SYNJ2BP: variants seen among roughly 807,000 people sequenced by gnomAD.
SYNJ2BP encodes synaptojanin-2-binding protein.
SYNJ2BP carries 10 observed loss-of-function variants against 16.9 expected under a neutral mutation model. The ratio of observed to expected loss-of-function variants is 0.59; its 90% CI spans 0.36 to 1.00. The LOEUF (loss-of-function observed/expected upper bound fraction) is 1.00. Among genes scored for constraint, SYNJ2BP ranks in the 50% least tolerant of loss-of-function variants. The pLI is 0.01. For missense variants in SYNJ2BP, 162 were observed against 186.7 expected (o/e 0.87, Z 0.77); for synonymous variants, 54 against 68.4 (o/e 0.79, Z 1.04).
At chr14:70,384,328 G>A (rs1270297409) in intron 2 of SYNJ2BP, among the ~76,000 whole-genome samples, 1 of 152,106 alleles carries the variant, frequency 6.6e-6, no homozygotes, top group African/African-American at 2.4e-5. Context: ...CCTATGCGTG[G>A]AGCATAGGAA....
intron 2 of SYNJ2BP, among the ~76,000 whole-genome samples, chr14:70,382,787 T>TA (rs943848389): frequency 5.2e-4 from 79 of 152,350 alleles, no homozygotes; most frequent in African/African-American, 1.9e-3. Context: ...TGAGGAAACA[T>TA]ACTTTTTTTT....
rs770673593 is a variant in SYNJ2BP at position 70,400,126 on chromosome 14, C to T, written c.65-11520G>A. On this transcript the variant is annotated intron_variant, in intron 1 of 3. Transcript: ENST00000256366. Reference sequence around the variant, plus strand: ...AGATCACTCAGTCAACTCCTGTTCACAATCTCCAAAGTTATCAGAAACCTG... The same window carrying T: ...AGATCACTCAGTCAACTCCTGTTCATAATCTCCAAAGTTATCAGAAACCTG... Among the ~76,000 whole-genome samples the T allele has an allele frequency of 5.5e-4, 84 of 152,238 alleles. 1 individual carries two copies. Among genetic ancestry groups the T allele is most frequent in the Non-Finnish European group, 2.4e-4 (16 of 68,046 alleles).
chr14:70,389,168 C>G (rs187858318), intron 1 of SYNJ2BP, among the ~76,000 whole-genome samples: 59 of 152,126 alleles, frequency 3.9e-4, no homozygotes, highest in African/African-American at 1.4e-3. Context: ...TCAAAGGACC[C>G]AATTCCTGAC....
chr14:70,387,337 T>A (rs865895900), intron 2 of SYNJ2BP, among the ~76,000 whole-genome samples: 22 of 152,342 alleles, frequency 1.4e-4, no homozygotes, highest in Middle Eastern at 3.4e-3. Context: ...TGGCCCATGG[T>A]AAGGTAGAGA....
In SYNJ2BP at chr14:70,417,027, C is replaced by T. The variant is rs1656125706; in HGVS notation, c.-64G>A. On this transcript the variant is annotated 5_prime_UTR_variant, in exon 1 of 4. Transcript: ENST00000256366. ...GAGTGCAGCACAGGTGAAGGTGAAT[C>T]AATCTCGGCGCTGCGCCCACAGCAC... 2 of 1,612,166 alleles carry T rather than the reference C, an allele frequency of 1.2e-6. No individual in the cohort carries two copies. Among genetic ancestry groups the T allele is most frequent in the African/African-American group, 1.3e-5 (1 of 74,830 alleles).
intron 1 of SYNJ2BP, among the ~76,000 whole-genome samples, chr14:70,415,416 C>T (rs147171485): frequency 6.6e-6 from 1 of 151,348 alleles, no homozygotes; most frequent in East Asian, 1.9e-4. Context: ...CCGGGCGTGG[C>T]AGTGCACACC....
At chr14:70,382,502 G>A (rs1887774202) in intron 2 of SYNJ2BP, among the ~76,000 whole-genome samples, 1 of 152,198 alleles carries the variant, frequency 6.6e-6, no homozygotes, top group African/African-American at 2.4e-5. Flanking sequence ...TCATAATGCA[G>A]AGTTTGATTC....
At position 70,375,740 on chromosome 14, in the gene SYNJ2BP, T is replaced by C. The variant is rs1887616588; in HGVS notation, c.233A>G (p.His78Arg). The change falls in exon 3 of 4, where the codon CAC (histidine) becomes CGC (arginine). Residue 78 changes from histidine (H) to arginine (R), a missense_variant. His to Arg is a conservative substitution (Grantham distance 29). Coordinates refer to ENST00000256366, the MANE Select transcript of SYNJ2BP (RefSeq NM_018373.3). ...VNGQDLKNLL[H>R]QDAVDLFRNA... ...ACGAAAGAGGTCTACAGCATCCTGG[T>C]GCAGCAGGTTCTTTAGGTCTTGGCC... 6.2e-7 allele frequency: 1 copy of C among 1,614,010 alleles called. No individual in the cohort carries two copies.
intron 2 of SYNJ2BP, among the ~76,000 whole-genome samples, chr14:70,383,947 G>A (rs541428550): frequency 6.9e-6 from 1 of 145,216 alleles, no homozygotes; most frequent in South Asian, 2.2e-4. Context: ...CTTTTGATGA[G>A]AAAGAGGAAA....
intron 1 of SYNJ2BP, among the ~76,000 whole-genome samples, chr14:70,412,938 A>G (rs1888520631): frequency 6.6e-6 from 1 of 152,204 alleles, no homozygotes; most frequent in African/African-American, 2.4e-5. Flanking sequence ...CTGAGTTTTG[A>G]GACGCATTAA....
chr14:70,393,897 C>T (rs1365635427), intron 1 of SYNJ2BP, among the ~76,000 whole-genome samples: 1 of 149,216 alleles, frequency 6.7e-6, no homozygotes, highest in Non-Finnish European at 1.5e-5. Flanking sequence ...TGCAGGAAAC[C>T]ACCATGGCAC....
At chr14:70,387,023 G>A (rs758204607) in intron 2 of SYNJ2BP, among the ~76,000 whole-genome samples, 6 of 152,160 alleles carry the variant, frequency 3.9e-5, no homozygotes, top group African/African-American at 9.6e-5. Context: ...TCTCCTCTTC[G>A]GACCATGGGC....
intron 1 of SYNJ2BP, among the ~76,000 whole-genome samples, chr14:70,415,301 T>C (rs1248357189): frequency 6.6e-6 from 1 of 151,332 alleles, no homozygotes; most frequent in Non-Finnish European, 1.5e-5. Context: ...TCCCAGCACT[T>C]TGGGAGGCAG....
chr14:70,367,736 C>G lies in SYNJ2BP; in HGVS notation c.*5255G>C, dbSNP rs1384485758. 6.6e-6 allele frequency: 1 copy of G among 152,034 alleles called. No homozygotes were observed. 9.4% of individuals were successfully genotyped at this position (152,034 alleles called of 1,614,324 possible). A position where few individuals can be genotyped will look rare whatever the true frequency, so the allele number is the denominator to read the frequency against. On this transcript the variant is annotated 3_prime_UTR_variant, in exon 4 of 4. Transcript: ENST00000256366. ...AAAAGACTTACACCAAAATAGCAAC[C>G]AACTCTAAAACTATTACAGGTGAGA...
At chr14:70,386,649 T>A (rs1372453895) in intron 2 of SYNJ2BP, among the ~76,000 whole-genome samples, 1 of 152,186 alleles carries the variant, frequency 6.6e-6, no homozygotes, top group Non-Finnish European at 1.5e-5. Flanking sequence ...TCTCTCTCTC[T>A]TTTCCTTTGT....
chr14:70,394,840 A>G lies in SYNJ2BP; in HGVS notation c.65-6234T>C, dbSNP rs560024511. Among the ~76,000 whole-genome samples the G allele has an allele frequency of 5.3e-5, 8 of 152,332 alleles. No individual in the cohort carries two copies. In the East Asian group the frequency reaches 9.6e-4, roughly 18 times the overall value. On this transcript the variant is annotated intron_variant, in intron 1 of 3. Transcript: ENST00000256366. ...ATCTCATTTAATCTTCTTGACAAAC[A>G]CAAGTACTCATTTTTCAAAGAGTTT...
chr14:70,375,568 G>A (rs2140809901), intron 3 of SYNJ2BP, 108 bp downstream of exon 3: 1 of 1,361,626 alleles, frequency 7.3e-7, no homozygotes, highest in African/African-American at 1.5e-5. Flanking sequence ...CTCTTCAGGG[G>A]AGTGAGGGTA....
intron 1 of SYNJ2BP, 143 bp from the exon 2 acceptor site, chr14:70,388,749 G>C (rs1887915696): frequency 2.4e-6 from 3 of 1,259,514 alleles, no homozygotes; most frequent in Non-Finnish European, 3.1e-6. Context: ...CTGTGATGGA[G>C]CTGGTGAATG....
At chr14:70,396,249 C>T (rs1888091256) in intron 1 of SYNJ2BP, among the ~76,000 whole-genome samples, 1 of 152,148 alleles carries the variant, frequency 6.6e-6, no homozygotes, top group African/African-American at 2.4e-5. Context: ...TCCTGAGTAA[C>T]TGGGATTACA....
Sources: gnomAD v4.1 joint callset for allele counts (sites outside exome capture counted in the v4.1 genomes callset) on GRCh38, gnomAD v4.1.1 for gene constraint, MANE v1.5 for transcripts, NCBI Gene and HGNC (gene_info 2026-07-23, HGNC 2026-07-21) for gene names.